Variants in SGSM2 observed in about 807,000 individuals in gnomAD.
The protein encoded by SGSM2 is small G protein signaling modulator 2.
SGSM2 carries 89 observed loss-of-function variants against 126.6 expected under a neutral mutation model. The observed-to-expected ratio is 0.70, with a 90% confidence interval of 0.59 to 0.84. The LOEUF (loss-of-function observed/expected upper bound fraction) is 0.84, where lower values mean the gene tolerates loss of function less well. Ranked by LOEUF, SGSM2 falls within the 40% of genes least tolerant of loss-of-function variation. SGSM2 has a pLI of 0.00. For missense variants in SGSM2, 1,404 were observed against 1,416.6 expected (o/e 0.99, Z 0.14); for synonymous variants, 614 against 574.3 (o/e 1.07, Z -0.99).
At position 2,363,398 on chromosome 17, in the gene SGSM2, G is replaced by A. The variant is rs530972829; in HGVS notation, c.673-67G>A. The A allele has an allele frequency of 9.1e-5, 146 of 1,602,088 alleles. 4 individuals are homozygous for A. The African/African-American group carries it at 1.5e-3, about 16-fold the overall frequency. Reference sequence around the variant, plus strand: ...AGCTGGAGAGGGTCAGCATGGAAGCGTGAGGGTTCCCAAGCCTTGAGGCCA... The same window carrying A: ...AGCTGGAGAGGGTCAGCATGGAAGCATGAGGGTTCCCAAGCCTTGAGGCCA... On this transcript the variant is annotated intron_variant, in intron 6 of 23. Transcript: ENST00000268989. This position sits in a 1 kb window ranked among gnomAD's most constrained non-coding sequence, Gnocchi z 4.2.
rs1164220342 is a variant in SGSM2, at chr17:2,376,083, C to G, written c.2485-54C>G. 3.1e-6 allele frequency: 5 copies of G among 1,611,304 alleles called. No homozygotes were observed. The East Asian group carries it at 6.7e-5, about 22-fold the overall frequency. On this transcript the variant is annotated intron_variant, in intron 18 of 23. Coordinates refer to ENST00000268989, the MANE Select transcript of SGSM2 (RefSeq NM_014853.3). ...TTTCTTGGGGCGTCACCTCCTGCCC[C>G]CAGCCTGGGAAGGGCTGCCCGGTCT... is the stretch of plus-strand genomic sequence containing the variant.
chr17:2,339,416 CAG>C, intron 1 of SGSM2, among the ~76,000 whole-genome samples: 1 of 152,142 alleles, frequency 6.6e-6, no homozygotes, highest in South Asian at 2.1e-4. Flanking sequence ...GCCTGGGCGA[CAG>C]AGCAACTCTC....
At position 2,337,798 on chromosome 17, in the gene SGSM2, A is replaced by G. The variant is rs2064145831; in HGVS notation, c.57+53A>G. ...GCTCGCGCCCTGGCCCGCGCGGCCC[A>G]GGGGGCAGAAAGGTCCGCGCCCACC... On this transcript the variant is annotated intron_variant, in intron 1 of 23. Coordinates refer to ENST00000268989, the MANE Select transcript of SGSM2 (RefSeq NM_014853.3). This position sits in a 1 kb window ranked among gnomAD's most constrained non-coding sequence, Gnocchi z 5.1. 4 of 1,402,726 alleles carry G rather than the reference A, an allele frequency of 2.9e-6. No individual in the cohort carries two copies. Among genetic ancestry groups the G allele is most frequent in the Non-Finnish European group, 3.8e-6 (4 of 1,051,318 alleles). 86.9% of individuals were successfully genotyped at this position (1,402,726 alleles called of 1,614,324 possible).
intron 12 of SGSM2, among the ~76,000 whole-genome samples, chr17:2,368,049 T>C (rs1419550358): frequency 6.6e-6 from 1 of 152,202 alleles, no homozygotes; most frequent in African/African-American, 2.4e-5. Context: ...GCCCCAGATA[T>C]GCCCCTGGTT....
chr17:2,379,536 C>T lies in SGSM2; in HGVS notation c.*16C>T, dbSNP rs1306927528. Reference sequence around the variant, plus strand: ...GAACAAGTGAGCTGGGGCCAGGAGGCAGCAGCCGTGCAGAGCCTGGGCTCC... The same window carrying T: ...GAACAAGTGAGCTGGGGCCAGGAGGTAGCAGCCGTGCAGAGCCTGGGCTCC... On this transcript the variant is annotated 3_prime_UTR_variant, in exon 24 of 24. Transcript: ENST00000268989. The T allele has an allele frequency of 6.2e-7, 1 of 1,607,744 alleles. No individual in the cohort carries two copies. Among genetic ancestry groups the T allele is most frequent in the Admixed American group, 1.7e-5 (1 of 59,882 alleles).
intron 1 of SGSM2, among the ~76,000 whole-genome samples, chr17:2,343,086 G>C (rs571102986): frequency 1.3e-5 from 2 of 152,310 alleles, no homozygotes; most frequent in South Asian, 4.1e-4. Flanking sequence ...CTGGGCTTTT[G>C]AGCATGTAGA....
In SGSM2 at chr17:2,362,392, C is replaced by T. The variant is rs1251093502; in HGVS notation, c.458+122C>T. ...CCCGTTCCCCAAAAACTGCAGGTGACCGCCCCGTTCCCCCCAAAACTGCAG... is the reference window on the plus strand; with the variant it reads ...CCCGTTCCCCAAAAACTGCAGGTGATCGCCCCGTTCCCCCCAAAACTGCAG... On this transcript the variant is annotated intron_variant, in intron 4 of 23. Coordinates refer to ENST00000268989, the MANE Select transcript of SGSM2 (RefSeq NM_014853.3). The surrounding 1 kb of genome is among the most constrained non-coding windows in gnomAD (Gnocchi z 4.9). The T allele has an allele frequency of 1.1e-5, 11 of 1,036,330 alleles. No individual in the cohort carries two copies. Among genetic ancestry groups the T allele is most frequent in the Non-Finnish European group, 1.5e-5 (11 of 729,844 alleles). The allele number at this position is 1,036,330 out of a possible 1,614,324, so 64.2% of individuals were successfully genotyped here. A position where few individuals can be genotyped will look rare whatever the true frequency, so the allele number is the denominator to read the frequency against.
At chr17:2,352,846 C>G (rs57401276) in intron 2 of SGSM2, among the ~76,000 whole-genome samples, 27,681 of 74,904 alleles carry the variant, frequency 0.37, 6,395 homozygotes, top group East Asian at 0.59. Flanking sequence ...GGCGCGATCT[C>G]GGCTCACTGC....
chr17:2,378,518 C>T (rs1193894924), intron 22 of SGSM2, among the ~76,000 whole-genome samples: 1 of 146,962 alleles, frequency 6.8e-6, no homozygotes, highest in African/African-American at 2.5e-5. Context: ...GCAACAGAGC[C>T]AGACTGTGTC....
At chr17:2,349,083 A>C (rs1417391374) in intron 2 of SGSM2, among the ~76,000 whole-genome samples, 1 of 150,450 alleles carries the variant, frequency 6.6e-6, no homozygotes, top group Non-Finnish European at 1.5e-5. Flanking sequence ...TTGTTTTTGA[A>C]AGGGAGCATA....
intron 2 of SGSM2, among the ~76,000 whole-genome samples, chr17:2,352,785 T>C (rs1184555524): frequency 2.2e-5 from 3 of 137,054 alleles, no homozygotes; most frequent in East Asian, 4.2e-4. Flanking sequence ...TTTTTTTTTT[T>C]TTTTTTTTTT....
intron 2 of SGSM2, among the ~76,000 whole-genome samples, chr17:2,345,809 C>T (rs1004323967): frequency 6.6e-6 from 1 of 152,076 alleles, no homozygotes; most frequent in African/African-American, 2.4e-5. Flanking sequence ...GGCCTACAGA[C>T]AGAGAAATCC....
chr17:2,363,069 C>T lies in SGSM2; in HGVS notation c.607C>T (p.Gln203Ter). The T allele has an allele frequency of 6.2e-7, 1 of 1,613,868 alleles. No homozygotes were observed. Among genetic ancestry groups the T allele is most frequent in the Non-Finnish European group, 8.5e-7 (1 of 1,180,028 alleles). ...WTDPSADELV[Q>*]RHRIRGPPTR... is the part of the protein sequence containing the mutation. ...TGACCCCTCTGCTGATGAGCTGGTC[C>T]AGCGGCACCGCATCCGGGGTCCACC... The change falls in exon 6 of 24, where the codon CAG (glutamine) becomes TAG (stop). Residue 203 changes from glutamine to a stop codon, truncating the protein, a stop_gained. Transcript: ENST00000268989. LOFTEE classifies it high-confidence loss of function. This position sits in a 1 kb window ranked among gnomAD's most constrained non-coding sequence, Gnocchi z 4.2.
rs998755364 is a variant in SGSM2, at chr17:2,358,096, A to G, written c.134-3541A>G. ...AGCCCTGCAAGTATCTCCTGCCACC[A>G]CCCTCCACCCTGGGAGGTGGGGTCA... On this transcript the variant is annotated intron_variant, in intron 2 of 23. Transcript: ENST00000268989. Among the ~76,000 whole-genome samples the G allele has an allele frequency of 4.8e-4, 73 of 151,984 alleles. 1 individual carries two copies. The highest frequency in any genetic ancestry group is 1.8e-3 in the African/African-American group (73 of 41,390).
At position 2,371,394 on chromosome 17, in the gene SGSM2, A is replaced by C. The variant is rs759187316; in HGVS notation, c.1556A>C (p.His519Pro). 3.1e-6 allele frequency: 5 copies of C among 1,606,730 alleles called. No homozygotes were observed. The African/African-American group carries it at 6.7e-5, about 22-fold the overall frequency. Reference protein sequence around the residue: ...SSSSPHATPSHCSCIPDRLPL... With the variant: ...SSSSPHATPSPCSCIPDRLPL... ...AGCTCCCCACATGCAACCCCCAGCC[A>C]CTGTAGCTGCATCCCCGACCGGTGA... The change falls in exon 13 of 24, where the codon CAC (histidine) becomes CCC (proline). Residue 519 changes from histidine to proline, a missense_variant. Coordinates refer to ENST00000268989, the MANE Select transcript of SGSM2 (RefSeq NM_014853.3).
At chr17:2,339,066 A>T (rs2064225719) in intron 1 of SGSM2, among the ~76,000 whole-genome samples, 1 of 151,660 alleles carries the variant, frequency 6.6e-6, no homozygotes, top group South Asian at 2.1e-4. Context: ...CTCAAAAAAA[A>T]AAAAGTTTAC....
Position 2,362,216 on chromosome 17 carries a change from C to T in SGSM2, c.404C>T (p.Ala135Val), listed in dbSNP as rs769054427. 7 of 1,613,810 alleles carry T rather than the reference C, an allele frequency of 4.3e-6. No homozygotes were observed. The highest frequency in any genetic ancestry group is 1.1e-5 in the South Asian group (1 of 91,068). Reference protein sequence around the residue: ...QALKHVWVRTALIEKVLDKVV... With the variant: ...QALKHVWVRTVLIEKVLDKVV... ...TTGAAACACGTATGGGTACGCACGGCGCTCATCGAGAAAGTTCTGGACAAG... is the reference window on the plus strand; with the variant it reads ...TTGAAACACGTATGGGTACGCACGGTGCTCATCGAGAAAGTTCTGGACAAG... The change falls in exon 4 of 24, where the codon GCG becomes GTG. Residue 135 changes from alanine to valine, a missense_variant. By Grantham distance (64) the Ala-to-Val change is moderately conservative. Coordinates refer to ENST00000268989, the MANE Select transcript of SGSM2 (RefSeq NM_014853.3). This position sits in a 1 kb window ranked among gnomAD's most constrained non-coding sequence, Gnocchi z 4.9.
rs758401303 is a variant in SGSM2, at chr17:2,379,534, GGCAGCA to G, written c.*17_*22del. The stretch of plus-strand genomic sequence containing the variant: ...GAGAACAAGTGAGCTGGGGCCAGGA[GGCAGCA>G]GCCGTGCAGAGCCTGGGCTCCGGCA... On this transcript the variant is annotated 3_prime_UTR_variant, in exon 24 of 24. Transcript: ENST00000268989. 6.2e-7 allele frequency: 1 copy of G among 1,608,126 alleles called. No individual in the cohort carries two copies. The highest frequency in any genetic ancestry group is 8.5e-7 in the Non-Finnish European group (1 of 1,175,918).
Position 2,372,905 on chromosome 17 carries a change from C to T in SGSM2, c.1789-48C>T. ...TGGGATGGGGCTCACCCAGCTGGGC[C>T]ACGGTGACTGTGGAGGCTGCACAGT... On this transcript the variant is annotated intron_variant, in intron 15 of 23. Transcript: ENST00000268989. This position sits in a 1 kb window ranked among gnomAD's most constrained non-coding sequence, Gnocchi z 6.0. 1.3e-6 allele frequency: 2 copies of T among 1,544,692 alleles called. No homozygotes were observed. Among genetic ancestry groups the T allele is most frequent in the Non-Finnish European group, 1.7e-6 (2 of 1,142,906 alleles).
Sources: gnomAD v4.1 joint callset for allele counts (sites outside exome capture counted in the v4.1 genomes callset) on GRCh38, gnomAD v4.1.1 for gene constraint, Gnocchi (gnomAD v3.1) non-coding constraint, MANE v1.5 for transcripts, NCBI Gene and HGNC (gene_info 2026-07-23, HGNC 2026-07-21) for gene names.